The following EPN3 variants were observed in gnomAD, a reference collection of about 807,000 sequenced individuals.
EPN3 encodes the protein epsin-3.
A neutral mutation model predicts 55.5 loss-of-function variants in EPN3; 56 were observed. That is an observed-to-expected ratio of 1.01 (90% confidence interval 0.81 to 1.26). EPN3 has a LOEUF of 1.26. Ranked by LOEUF, EPN3 falls within the 50% of genes most tolerant of loss-of-function variation. The probability of loss-of-function intolerance (pLI) is 0.00; values close to 1 mark genes in which losing one functional copy is unlikely to be tolerated. For synonymous variants in EPN3, 449 were observed against 375.2 expected (o/e 1.20, Z -2.27); for missense variants, 927 against 853.4 (o/e 1.09, Z -1.07).
intron 1 of EPN3, among the ~76,000 whole-genome samples, chr17:50,533,934 A>G (rs1201702226): frequency 2.0e-5 from 3 of 152,072 alleles, no homozygotes; most frequent in African/African-American, 4.8e-5. Flanking sequence ...TGCTACCGCC[A>G]CCGCCTTATC....
intron 4 of EPN3, 21 bp downstream of exon 4, chr17:50,538,985 G>T (rs1449766502): frequency 4.4e-6 from 7 of 1,581,370 alleles, no homozygotes; most frequent in Non-Finnish European, 3.4e-6. Flanking sequence ...GAGCCCGCTG[G>T]GCTGCCGGTG....
At chr17:50,537,329 T>A in intron 2 of EPN3, 1 of 597,068 alleles carries the variant, frequency 1.7e-6, no homozygotes, top group South Asian at 2.1e-5. Context: ...AGATTCATTA[T>A]CATTCGTTAG....
In EPN3 at chr17:50,536,964, T is replaced by C; in HGVS notation, c.408T>C (p.Asp136=). Residue 136 remains aspartate (D), a synonymous_variant, in exon 2 of 10, where the codon GAT becomes GAC. Transcript: ENST00000268933. ...KVKQVMALLK[D]EERLRQERTH... ...AGCAGGTGATGGCCCTGCTCAAGGA[T>C]GAGGAGCGGCTGCGGCAGGAGCGAA... 3 of 1,613,942 alleles carry C rather than the reference T, an allele frequency of 1.9e-6. No individual in the cohort carries two copies. The highest frequency in any genetic ancestry group is 2.5e-6 in the Non-Finnish European group (3 of 1,180,014).
chr17:50,536,317 C>G, intron 1 of EPN3, 104 bp from the exon 2 acceptor site: 1 of 949,960 alleles, frequency 1.1e-6, no homozygotes. Context: ...AAGGCTGTCC[C>G]TGGAGGCAGG....
intron 1 of EPN3, 30 bp from the exon 2 acceptor site, chr17:50,536,391 C>G (rs1434505117): frequency 6.9e-7 from 1 of 1,450,662 alleles, no homozygotes; most frequent in Non-Finnish European, 9.0e-7. Flanking sequence ...TAGGCCTCTG[C>G]CCCTGAGTTC....
intron 1 of EPN3, among the ~76,000 whole-genome samples, chr17:50,533,892 T>C (rs574516975): frequency 6.6e-6 from 1 of 152,234 alleles, no homozygotes; most frequent in Non-Finnish European, 1.5e-5. Context: ...GTCACTGCAG[T>C]AATTCCATAC....
Position 50,536,599 on chromosome 17 carries a change from CACAACT to C in EPN3, c.46_51del (p.Asn16_Tyr17del), listed in dbSNP as rs1040353251. The C allele has an allele frequency of 6.2e-7, 1 of 1,613,912 alleles. No homozygotes were observed. Among genetic ancestry groups the C allele is most frequent in the African/African-American group, 1.3e-5 (1 of 74,928 alleles). ...CCGGCGCCAGGTGAAGAACATCGTG[CACAACT>C]ACTCCGAGGCAGAAATCAAGGTGCG... On this transcript the variant is annotated inframe_deletion, in exon 2 of 10. Coordinates refer to ENST00000268933, the MANE Select transcript of EPN3 (RefSeq NM_017957.3).
Position 50,541,346 on chromosome 17 carries a change from A to G in EPN3, c.1354+13A>G. On this transcript the variant is annotated intron_variant, in intron 8 of 9. Coordinates refer to ENST00000268933, the MANE Select transcript of EPN3 (RefSeq NM_017957.3). ...AGCAGCCCTGTGGGTGAGCAGGGCA[A>G]GGGGATGGTGAGGCTCTGGGGAATG... 6.2e-7 allele frequency: 1 copy of G among 1,610,856 alleles called. No individual in the cohort carries two copies. The highest frequency in any genetic ancestry group is 8.5e-7 in the Non-Finnish European group (1 of 1,179,586).
intron 5 of EPN3, 24 bp from the exon 6 acceptor site, chr17:50,540,223 C>G: frequency 6.2e-7 from 1 of 1,605,808 alleles, no homozygotes; most frequent in Non-Finnish European, 8.5e-7. Flanking sequence ...ACTTCTGAGC[C>G]GCGGCTGCCT....
intron 1 of EPN3, 171 bp from the exon 2 acceptor site, chr17:50,536,250 C>A: frequency 2.4e-6 from 1 of 416,186 alleles, no homozygotes; most frequent in Non-Finnish European, 4.3e-6. Context: ...GATAGATGAG[C>A]ATGCAAAGCT....
Position 50,539,213 on chromosome 17 carries a change from C to T in EPN3, c.789C>T (p.Gly263=). ...AGGTGAGGTCCTGGCAGGGTGATGG[C>T]TCCCCCATGGCCAATGGTGCAGGGG... ...EKEVRSWQGD[G]SPMANGAGAV... Residue 263 remains glycine, a synonymous_variant, in exon 5 of 10, where the codon GGC becomes GGT. Transcript: ENST00000268933. 6.2e-7 allele frequency: 1 copy of T among 1,614,108 alleles called. No homozygotes were observed. Among genetic ancestry groups the T allele is most frequent in the Non-Finnish European group, 8.5e-7 (1 of 1,180,008 alleles).
rs1333291926 is a variant in EPN3, at chr17:50,536,866, C to A, written c.310C>A (p.Gln104Lys). The A allele has an allele frequency of 6.2e-7, 1 of 1,614,054 alleles. No individual in the cohort carries two copies. Among genetic ancestry groups the A allele is most frequent in the Non-Finnish European group, 8.5e-7 (1 of 1,180,052 alleles). ...HQCRENLYTIQTLKDFQYIDR... is the reference protein window; with the variant it reads ...HQCRENLYTIKTLKDFQYIDR... ...GTGCCGCGAGAACCTCTACACCATC[C>A]AGACACTCAAGGACTTCCAGTACAT... The change falls in exon 2 of 10, where the codon CAG (glutamine) becomes AAG (lysine). Residue 104 changes from glutamine (Q) to lysine (K), a missense_variant. Transcript: ENST00000268933.
In EPN3 at chr17:50,539,245, T is replaced by C; in HGVS notation, c.821T>C (p.Val274Ala). 1 of 1,614,072 alleles carries C rather than the reference T, an allele frequency of 6.2e-7. No homozygotes were observed. The highest frequency in any genetic ancestry group is 8.5e-7 in the Non-Finnish European group (1 of 1,180,004). The change falls in exon 5 of 10, where the codon GTC becomes GCC. Residue 274 changes from valine (V) to alanine (A), a missense_variant. Val to Ala is a moderately conservative substitution (Grantham distance 64). Coordinates refer to ENST00000268933, the MANE Select transcript of EPN3 (RefSeq NM_017957.3). The part of the protein sequence containing the change: ...SPMANGAGAV[V>A]HHQRDREPER... ...ATGGCCAATGGTGCAGGGGCCGTGG[T>C]CCACCATCAGCGGGACAGAGAGCCT...
At position 50,542,319 on chromosome 17, in the gene EPN3, G is replaced by A; in HGVS notation, c.*162G>A. ...AAGCTGGACGCGGACCACGGCCCGG[G>A]AGCTAGAAACTGAACGCCCGCATAA... On this transcript the variant is annotated 3_prime_UTR_variant, in exon 10 of 10. Transcript: ENST00000268933. The A allele has an allele frequency of 1.4e-6, 1 of 707,470 alleles. No individual in the cohort carries two copies. The allele number at this position is 707,470 out of a possible 1,614,324, so 43.8% of individuals were successfully genotyped here. A position where few individuals can be genotyped will look rare whatever the true frequency, so the allele number is the denominator to read the frequency against.
chr17:50,541,395 T>C lies in EPN3; in HGVS notation c.1354+62T>C, dbSNP rs2034846950. 2.5e-6 allele frequency: 4 copies of C among 1,606,942 alleles called. No homozygotes were observed. The Admixed American group carries it at 6.7e-5, about 27-fold the overall frequency. ...TGAGGGGCCCACCCCGAGCAGCCTCTGTCCTCTTCCTCCCACGTCGGGCGC... is the reference window on the plus strand; with the variant it reads ...TGAGGGGCCCACCCCGAGCAGCCTCCGTCCTCTTCCTCCCACGTCGGGCGC... On this transcript the variant is annotated intron_variant, in intron 8 of 9. Transcript: ENST00000268933.
rs547048298 is a variant in EPN3 at position 50,543,527 on chromosome 17, C to G, written c.*1370C>G. 1 of 152,288 alleles carries G rather than the reference C, an allele frequency of 6.6e-6. No individual in the cohort carries two copies. Among genetic ancestry groups the G allele is most frequent in the Non-Finnish European group, 1.5e-5 (1 of 68,074 alleles). 9.4% of individuals were successfully genotyped at this position (152,288 alleles called of 1,614,324 possible). On this transcript the variant is annotated 3_prime_UTR_variant, in exon 10 of 10. Coordinates refer to ENST00000268933, the MANE Select transcript of EPN3 (RefSeq NM_017957.3). ...CCTTTCAGGGACAAATGGCCTTCCACCAGAGTCGGTGAGTGGAGAGGCACA... is the reference window on the plus strand; with the variant it reads ...CCTTTCAGGGACAAATGGCCTTCCAGCAGAGTCGGTGAGTGGAGAGGCACA...
In EPN3 at chr17:50,536,627, T is replaced by C. The variant is rs2034766330; in HGVS notation, c.71T>C (p.Val24Ala). The change falls in exon 2 of 10, where the codon GTG becomes GCG. Residue 24 changes from valine to alanine, a missense_variant. Physicochemically the swap from Val to Ala is moderately conservative, Grantham distance 64 (BLOSUM62 0). Coordinates refer to ENST00000268933, the MANE Select transcript of EPN3 (RefSeq NM_017957.3). The stretch of plus-strand genomic sequence containing the variant: ...AACTACTCCGAGGCAGAAATCAAGG[T>C]GCGCGAGGCCACCAGCAATGACCCC... ...VHNYSEAEIK[V>A]REATSNDPWG... 1.9e-6 allele frequency: 3 copies of C among 1,613,984 alleles called. No homozygotes were observed. Among genetic ancestry groups the C allele is most frequent in the Admixed American group, 1.7e-5 (1 of 60,020 alleles).
intron 7 of EPN3, 34 bp downstream of exon 7, chr17:50,541,096 C>T: frequency 6.4e-7 from 1 of 1,569,600 alleles, no homozygotes; most frequent in Non-Finnish European, 8.6e-7. Context: ...GAGTGAGGAG[C>T]TGGGGGACTT....
intron 2 of EPN3, 174 bp from the exon 3 acceptor site, chr17:50,537,905 T>G: frequency 3.5e-6 from 2 of 574,736 alleles, no homozygotes; most frequent in Non-Finnish European, 6.2e-6. Context: ...CCATCCGGGA[T>G]GGGTTGGGAT....
Sources: gnomAD v4.1 joint callset for allele counts (sites outside exome capture counted in the v4.1 genomes callset) on GRCh38, gnomAD v4.1.1 for gene constraint, MANE v1.5 for transcripts, NCBI Gene and HGNC (gene_info 2026-07-23, HGNC 2026-07-21) for gene names.